The following CAMTA1 variants were observed in gnomAD, a reference collection of about 807,000 sequenced individuals.
CAMTA1 encodes calmodulin binding transcription activator 1, also known as calmodulin-binding transcription activator 1.
CAMTA1 carries 27 observed loss-of-function variants against 170.9 expected under a neutral mutation model. That is an observed-to-expected ratio of 0.16 (90% CI 0.12 to 0.22). CAMTA1 has a LOEUF of 0.22. Among genes scored for constraint, CAMTA1 ranks in the 10% least tolerant of loss-of-function variants. CAMTA1 has a pLI of 1.00. For missense variants in CAMTA1, 1,619 were observed against 2,217.2 expected (o/e 0.73, Z 5.42); for synonymous variants, 833 against 891.5 (o/e 0.93, Z 1.17).
intron 2 of CAMTA1, among the ~76,000 whole-genome samples, chr1:6,821,298 A>G (rs767274091): frequency 1.1e-4 from 17 of 152,206 alleles, no homozygotes; most frequent in Non-Finnish European, 2.2e-4. Flanking sequence ...ATAGTGCTTA[A>G]TTAATATGTA....
At chr1:6,812,853 T>C (rs769282515) in intron 1 of CAMTA1, among the ~76,000 whole-genome samples, 1 of 152,240 alleles carries the variant, frequency 6.6e-6, no homozygotes, top group Non-Finnish European at 1.5e-5. Context: ...CTCTTAGAAC[T>C]TGAACTGTTT....
chr1:7,582,344 C>G (rs2150404335), intron 6 of CAMTA1, among the ~76,000 whole-genome samples: 1 of 152,294 alleles, frequency 6.6e-6, no homozygotes, highest in South Asian at 2.1e-4. Context: ...CTCCTGAGGG[C>G]CTCAGTGCCC....
At position 7,486,521 on chromosome 1, in the gene CAMTA1, C is replaced by T. The variant is rs1168750172; in HGVS notation, c.510+18620C>T. On this transcript the variant is annotated intron_variant, in intron 6 of 22. Transcript: ENST00000303635. The stretch of plus-strand genomic sequence containing the variant: ...GGCAGGGTCTCCCTCTTGAGCCTCC[C>T]CTGGGGCAAGTCATCTGTCGCCATG... Among the ~76,000 whole-genome samples the T allele has an allele frequency of 3.3e-5, 5 of 152,154 alleles. No homozygotes were observed. In the South Asian group the frequency reaches 1.0e-3, roughly 32 times the overall value.
At chr1:7,313,280 C>A (rs1444984928) in intron 5 of CAMTA1, among the ~76,000 whole-genome samples, 1 of 152,170 alleles carries the variant, frequency 6.6e-6, no homozygotes, top group Non-Finnish European at 1.5e-5. Flanking sequence ...TCTACCATCT[C>A]CTCTTTCCCT....
chr1:7,698,125 C>T (rs1050468569), intron 11 of CAMTA1, among the ~76,000 whole-genome samples: 2 of 143,154 alleles, frequency 1.4e-5, no homozygotes, highest in East Asian at 2.1e-4. Context: ...TCAGCAGCAA[C>T]AACGGATTTG....
chr1:7,172,338 C>T (rs1649809977), intron 4 of CAMTA1, among the ~76,000 whole-genome samples: 2 of 152,128 alleles, frequency 1.3e-5, no homozygotes, highest in African/African-American at 4.8e-5. Flanking sequence ...TTAGTAGAGA[C>T]AGGGTTTCAC....
intron 6 of CAMTA1, among the ~76,000 whole-genome samples, chr1:7,475,382 A>G (rs1342295582): frequency 2.0e-5 from 3 of 151,870 alleles, no homozygotes; most frequent in Non-Finnish European, 4.4e-5. Context: ...TCAGGCTGAC[A>G]CTCTGCCCCA....
At chr1:7,751,490 G>A (rs989029875) in intron 20 of CAMTA1, 98 bp downstream of exon 20, 3 of 1,077,656 alleles carry the variant, frequency 2.8e-6, no homozygotes, top group Non-Finnish European at 3.9e-6. Flanking sequence ...AGTCTGGGGT[G>A]GGCCTAAAGC....
intron 3 of CAMTA1, among the ~76,000 whole-genome samples, chr1:6,979,271 G>C (rs746709020): frequency 3.3e-5 from 5 of 152,128 alleles, no homozygotes; most frequent in African/African-American, 4.8e-5. Flanking sequence ...TCCGGCACAG[G>C]GGGGCTTCCT....
chr1:7,352,445 G>A (rs746186724), intron 5 of CAMTA1, among the ~76,000 whole-genome samples: 6 of 152,300 alleles, frequency 3.9e-5, no homozygotes, highest in South Asian at 2.1e-4. Context: ...ACAAAGGCCC[G>A]ACATCTTGTC....
intron 3 of CAMTA1, among the ~76,000 whole-genome samples, chr1:6,909,096 T>A (rs1165384110): frequency 6.6e-6 from 1 of 152,270 alleles, no homozygotes; most frequent in African/African-American, 2.4e-5. Context: ...GCAGGCTGAC[T>A]TGCTACGTTC....
chr1:7,046,838 G>A (rs1280131468), intron 3 of CAMTA1, among the ~76,000 whole-genome samples: 1 of 152,184 alleles, frequency 6.6e-6, no homozygotes. Context: ...CTTGTTAAAA[G>A]GAGAAACTAT....
intron 11 of CAMTA1, among the ~76,000 whole-genome samples, chr1:7,719,302 CT>C (rs1558213416): frequency 2.6e-5 from 4 of 152,286 alleles, no homozygotes. Context: ...TGAGACACCC[CT>C]AGCTCTAGTA....
chr1:7,722,083 A>C (rs1030078916), intron 11 of CAMTA1, among the ~76,000 whole-genome samples: 3 of 152,260 alleles, frequency 2.0e-5, no homozygotes, highest in African/African-American at 7.2e-5. Flanking sequence ...AGGGCCTGGG[A>C]AATCTGGCTA....
At chr1:7,421,397 G>A (rs897010770) in intron 5 of CAMTA1, among the ~76,000 whole-genome samples, 9 of 152,114 alleles carry the variant, frequency 5.9e-5, no homozygotes, top group African/African-American at 1.4e-4. Flanking sequence ...CAGCTCATCC[G>A]CCCGTCCCGG....
At chr1:7,349,955 G>A (rs894209462) in intron 5 of CAMTA1, among the ~76,000 whole-genome samples, 1 of 152,144 alleles carries the variant, frequency 6.6e-6, no homozygotes, top group Non-Finnish European at 1.5e-5. Flanking sequence ...GGAACTTCTG[G>A]CAGAAGGGAA....
At chr1:7,295,012 C>T (rs957179750) in intron 5 of CAMTA1, among the ~76,000 whole-genome samples, 2 of 152,202 alleles carry the variant, frequency 1.3e-5, no homozygotes, top group Non-Finnish European at 2.9e-5. Context: ...AGGAATCCAC[C>T]ACCTCCGCTT....
intron 1 of CAMTA1, among the ~76,000 whole-genome samples, chr1:6,798,772 A>AATT (rs1643207173): frequency 8.0e-6 from 1 of 125,014 alleles, no homozygotes; most frequent in Non-Finnish European, 1.7e-5. Flanking sequence ...AATTTTTTGT[A>AATT]TTTTTAGTAG....
At chr1:7,231,465 C>T (rs1299896563) in intron 4 of CAMTA1, among the ~76,000 whole-genome samples, 2 of 152,112 alleles carry the variant, frequency 1.3e-5, no homozygotes, top group Admixed American at 1.3e-4. Context: ...CTCTGCCTCC[C>T]AGGTTCAAGC....
Sources: gnomAD v4.1 joint callset for allele counts (sites outside exome capture counted in the v4.1 genomes callset) on GRCh38, gnomAD v4.1.1 for gene constraint, MANE v1.5 for transcripts, NCBI Gene and HGNC (gene_info 2026-07-23, HGNC 2026-07-21) for gene names.